GRAMD1C: variants seen among roughly 807,000 people sequenced by gnomAD.
GRAMD1C encodes GRAM domain containing 1C, also known as protein Aster-C.
A neutral mutation model predicts 97.8 loss-of-function variants in GRAMD1C; 89 were observed. The observed-to-expected ratio is 0.91, with a 90% CI of 0.77 to 1.09. The LOEUF (loss-of-function observed/expected upper bound fraction) is 1.09. Ranked by LOEUF, GRAMD1C falls within the 50% of genes least tolerant of loss-of-function variation. GRAMD1C has a pLI of 0.00. For missense variants in GRAMD1C, 740 were observed against 766.4 expected (o/e 0.97, Z 0.41); for synonymous variants, 256 against 267.0 (o/e 0.96, Z 0.40).
intron 17 of GRAMD1C, 130 bp from the exon 18 acceptor site, chr3:113,945,268 C>T (rs1577235165): frequency 6.2e-6 from 4 of 641,752 alleles, no homozygotes; most frequent in Middle Eastern, 3.6e-4. Context: ...TTGTATTTAA[C>T]GTTTTATTTG....
At chr3:113,838,091 C>G (rs1012968200), upstream of GRAMD1C, among the ~76,000 whole-genome samples, 1 of 152,156 alleles carries the variant, frequency 6.6e-6, no homozygotes, top group Admixed American at 6.5e-5. Context: ...GAGGCATGTC[C>G]AATCCCCTCT....
chr3:113,829,213 A>G (rs1259345345), intron 1 of GRAMD1C, among the ~76,000 whole-genome samples: 1 of 152,184 alleles, frequency 6.6e-6, no homozygotes, highest in Non-Finnish European at 1.5e-5. Context: ...ATTTGAGGCC[A>G]GGAGTTAAGA....
chr3:113,834,156 C>T (rs906603900), upstream of GRAMD1C, among the ~76,000 whole-genome samples: 19 of 152,022 alleles, frequency 1.2e-4, no homozygotes, highest in Admixed American at 1.2e-3. Context: ...TTGCCAAATT[C>T]GCTATATTAC....
At chr3:113,897,983 A>G (rs1447592827) in intron 6 of GRAMD1C, among the ~76,000 whole-genome samples, 3 of 152,188 alleles carry the variant, frequency 2.0e-5, no homozygotes, top group Non-Finnish European at 2.9e-5. Flanking sequence ...AAACTGGACA[A>G]CTTTATAGAA....
intron 6 of GRAMD1C, among the ~76,000 whole-genome samples, chr3:113,888,437 C>A (rs1437727341): frequency 6.6e-6 from 1 of 152,060 alleles, no homozygotes; most frequent in Non-Finnish European, 1.5e-5. Flanking sequence ...CTACAGTTAA[C>A]AATACTGTGT....
chr3:113,920,253 T>C, intron 10 of GRAMD1C: 2 of 832,446 alleles, frequency 2.4e-6, no homozygotes, highest in Non-Finnish European at 3.7e-6. Context: ...ACCATTGAGT[T>C]AAGTTCAGCA....
intron 2 of GRAMD1C, among the ~76,000 whole-genome samples, chr3:113,862,343 A>T (rs1934409886): frequency 6.6e-6 from 1 of 152,222 alleles, no homozygotes; most frequent in South Asian, 2.1e-4. Flanking sequence ...GCCTACCCTC[A>T]GGGACACATT....
chr3:113,847,252 A>G (rs1559775886), intron 2 of GRAMD1C, among the ~76,000 whole-genome samples: 1 of 152,216 alleles, frequency 6.6e-6, no homozygotes, highest in African/African-American at 2.4e-5. Context: ...TCATCATTCA[A>G]GTTTGTTCAA....
chr3:113,887,089 T>TTTG (rs1559795633), intron 6 of GRAMD1C, among the ~76,000 whole-genome samples: 3 of 107,746 alleles, frequency 2.8e-5, no homozygotes, highest in Admixed American at 2.0e-4. Flanking sequence ...CTTTTTGTTT[T>TTTG]TTTTTTGTTT....
At chr3:113,869,683 T>C (rs1934717806) in intron 3 of GRAMD1C, 92 bp downstream of exon 3, 1 of 645,658 alleles carries the variant, frequency 1.5e-6, no homozygotes, top group African/African-American at 1.9e-5. Flanking sequence ...TTTAAGCCTT[T>C]ATGCTAGACA....
intron 2 of GRAMD1C, among the ~76,000 whole-genome samples, 157 bp from the exon 3 acceptor site, chr3:113,869,350 T>G (rs1934703786): frequency 6.6e-6 from 1 of 152,238 alleles, no homozygotes; most frequent in South Asian, 2.1e-4. Context: ...GCTGGAAGTC[T>G]TCTTTGCTTC....
Position 113,945,506 on chromosome 3 carries a change from T to C in GRAMD1C, c.*28T>C, listed in dbSNP as rs1264338550. The C allele has an allele frequency of 8.5e-7, 1 of 1,175,146 alleles. No homozygotes were observed. The highest frequency in any genetic ancestry group is 1.3e-6 in the Non-Finnish European group (1 of 794,722). The allele number at this position is 1,175,146 out of a possible 1,614,324, so 72.8% of individuals were successfully genotyped here. On this transcript the variant is annotated 3_prime_UTR_variant, in exon 18 of 18. Coordinates refer to ENST00000358160, the MANE Select transcript of GRAMD1C (RefSeq NM_017577.5). ...ATCTGAAGGACTAAAACCGCAGAGA[T>C]ACTTGGAACTTAAAGAAAATACCTG...
At chr3:113,857,409 T>G (rs3995901) in intron 2 of GRAMD1C, among the ~76,000 whole-genome samples, 74,683 of 148,768 alleles carry the variant, frequency 0.5, 19,361 homozygotes, top group Middle Eastern at 0.67. Flanking sequence ...GGAGTCTTGC[T>G]CTGTCGCCCA....
intron 2 of GRAMD1C, among the ~76,000 whole-genome samples, chr3:113,856,283 A>G (rs961008262): frequency 6.6e-6 from 1 of 152,082 alleles, no homozygotes; most frequent in African/African-American, 2.4e-5. Context: ...GTAGACCCAC[A>G]TGCATTTTTG....
intron 9 of GRAMD1C, among the ~76,000 whole-genome samples, chr3:113,910,149 C>T (rs1273437520): frequency 6.6e-6 from 1 of 152,042 alleles, no homozygotes; most frequent in Non-Finnish European, 1.5e-5. Context: ...TTTGGAAGGC[C>T]GAGGCGGGTG....
intron 11 of GRAMD1C, among the ~76,000 whole-genome samples, chr3:113,931,549 G>A (rs1577219070): frequency 6.6e-6 from 1 of 151,916 alleles, no homozygotes; most frequent in Non-Finnish European, 1.5e-5. Context: ...AGTAGAGACG[G>A]GGTTTCAGCA....
intron 2 of GRAMD1C, among the ~76,000 whole-genome samples, chr3:113,851,105 A>G (rs1211303998): frequency 6.6e-6 from 1 of 152,110 alleles, no homozygotes; most frequent in Non-Finnish European, 1.5e-5. Flanking sequence ...CCCGGCCTAT[A>G]CTTCTTTAAT....
chr3:113,937,731 G>T (rs1559827162), intron 14 of GRAMD1C, among the ~76,000 whole-genome samples: 1 of 152,190 alleles, frequency 6.6e-6, no homozygotes, highest in Non-Finnish European at 1.5e-5. Context: ...AGGGCTGGGT[G>T]CGGTGGCTCA....
chr3:113,888,005 C>A (rs1935580765), intron 6 of GRAMD1C, among the ~76,000 whole-genome samples: 1 of 151,826 alleles, frequency 6.6e-6, no homozygotes, highest in South Asian at 2.1e-4. Context: ...GATAAAGAAC[C>A]TACCACAGAG....
Sources: allele counts gnomAD v4.1 joint callset (sites outside exome capture counted in the v4.1 genomes callset), GRCh38; gene constraint gnomAD v4.1.1; transcripts MANE v1.5; gene names NCBI Gene and HGNC (gene_info 2026-07-23, HGNC 2026-07-21).